Variants in RGS6 observed in about 807,000 individuals in gnomAD.
RGS6 encodes regulator of G protein signaling 6, also known as regulator of G-protein signaling 6.
In RGS6, 30 loss-of-function variants were observed where a neutral mutation model predicts 78.5. The ratio of observed to expected loss-of-function variants is 0.38; its 90% confidence interval spans 0.29 to 0.52. The LOEUF (loss-of-function observed/expected upper bound fraction) is 0.52, where lower values mean the gene tolerates loss of function less well. RGS6 is among the 20% of genes least tolerant of loss of function. The pLI is 0.85. For missense variants in RGS6, 495 were observed against 609.7 expected (o/e 0.81, Z 1.98); for synonymous variants, 206 against 206.0 (o/e 1.00, Z 0.00).
the RGS6 span, among the ~76,000 whole-genome samples, chr14:72,628,437 G>C: frequency 6.6e-6 from 1 of 152,036 alleles, no homozygotes; most frequent in African/African-American, 2.4e-5. Context: ...GATTGGGCAA[G>C]TTTATCTTCC....
intron 2 of RGS6, among the ~76,000 whole-genome samples, chr14:71,988,695 A>C (rs2094826865): frequency 6.6e-6 from 1 of 152,172 alleles, no homozygotes; most frequent in African/African-American, 2.4e-5. Flanking sequence ...GATTTGAAAG[A>C]GACTGAAAAA....
intron 3 of RGS6, among the ~76,000 whole-genome samples, chr14:72,389,490 T>C (rs1383014734): frequency 6.6e-6 from 1 of 152,132 alleles, no homozygotes; most frequent in African/African-American, 2.4e-5. Context: ...TCTGAGTTAA[T>C]TTATCAAAAT....
At chr14:71,896,306 A>G in the RGS6 span, among the ~76,000 whole-genome samples, 4 of 152,104 alleles carry the variant, frequency 2.6e-5, no homozygotes, top group Admixed American at 6.5e-5. Flanking sequence ...TTTTATGGTT[A>G]TTTCTTGATT....
At chr14:72,324,361 ATTCT>A (rs1361412706) in intron 2 of RGS6, among the ~76,000 whole-genome samples, 1 of 152,016 alleles carries the variant, frequency 6.6e-6, no homozygotes, top group African/African-American at 2.4e-5. Flanking sequence ...ACAAAGGACT[ATTCT>A]TTTTTTTTTA....
intron 3 of RGS6, among the ~76,000 whole-genome samples, chr14:72,439,402 A>T (rs562434877): frequency 1.3e-5 from 2 of 152,366 alleles, no homozygotes; most frequent in East Asian, 3.9e-4. Context: ...GCTCAGGTGT[A>T]TTGTAAGGGT....
intron 17 of RGS6, among the ~76,000 whole-genome samples, chr14:72,549,639 A>G (rs1347038324): frequency 1.3e-5 from 2 of 152,202 alleles, no homozygotes; most frequent in African/African-American, 4.8e-5. Flanking sequence ...AGACAGGCAG[A>G]TCACCTGAGG....
the RGS6 span, among the ~76,000 whole-genome samples, chr14:72,604,866 T>C: frequency 6.6e-6 from 1 of 152,084 alleles, no homozygotes; most frequent in South Asian, 2.1e-4. Context: ...GTTTGGCAAA[T>C]AGTCAGTCCC....
At chr14:72,380,194 C>G (rs1396572287) in intron 3 of RGS6, among the ~76,000 whole-genome samples, 2 of 151,944 alleles carry the variant, frequency 1.3e-5, no homozygotes, top group Non-Finnish European at 2.9e-5. Context: ...GACCTAAATG[C>G]AAAATCTGAA....
In RGS6 at chr14:72,562,514, C is replaced by G. The variant is rs112394310; in HGVS notation, c.*47C>G. 62 of 1,606,348 alleles carry G rather than the reference C, an allele frequency of 3.9e-5. No homozygotes were observed. The African/African-American group carries it at 5.7e-4, about 15-fold the overall frequency. On this transcript the variant is annotated 3_prime_UTR_variant, in exon 18 of 18. Transcript: ENST00000553525. The stretch of plus-strand genomic sequence containing the variant: ...GGCCTGGGCCCGCGGACCCCACAGG[C>G]AGGCGGCGGCGCTCCACATCTGCGG...
chr14:72,415,963 C>T (rs1044675151), intron 3 of RGS6, among the ~76,000 whole-genome samples: 14 of 152,136 alleles, frequency 9.2e-5, no homozygotes, highest in African/African-American at 1.7e-4. Context: ...GCCTGACCAA[C>T]GTGGTGAAAC....
intron 2 of RGS6, among the ~76,000 whole-genome samples, chr14:72,259,564 A>C (rs1348199147): frequency 6.6e-6 from 1 of 152,192 alleles, no homozygotes; most frequent in Middle Eastern, 3.2e-3. Context: ...GTAGAATTAG[A>C]ATATTGAAGT....
intron 2 of RGS6, among the ~76,000 whole-genome samples, chr14:72,140,670 G>A (rs1414106113): frequency 6.6e-6 from 1 of 152,234 alleles, no homozygotes; most frequent in East Asian, 1.9e-4. Flanking sequence ...CTGAGTAAAA[G>A]CGCCCTTGGT....
chr14:71,901,031 G>A, the RGS6 span, among the ~76,000 whole-genome samples: 1 of 152,082 alleles, frequency 6.6e-6, no homozygotes, highest in African/African-American at 2.4e-5. Context: ...TGAGGGATCC[G>A]CCCCCATGAT....
chr14:72,445,299 C>T (rs1339510743), intron 3 of RGS6, among the ~76,000 whole-genome samples: 2 of 152,216 alleles, frequency 1.3e-5, no homozygotes, highest in East Asian at 1.9e-4. Context: ...AAGCACTTCT[C>T]CTGCCTTAGT....
At chr14:72,291,709 A>G (rs550276531) in intron 2 of RGS6, among the ~76,000 whole-genome samples, 1 of 152,218 alleles carries the variant, frequency 6.6e-6, no homozygotes, top group African/African-American at 2.4e-5. Context: ...AAGCCTGGCT[A>G]AAATCATGCT....
At chr14:71,948,296 G>T (rs901127832) in intron 1 of RGS6, among the ~76,000 whole-genome samples, 23 of 152,288 alleles carry the variant, frequency 1.5e-4, no homozygotes, top group Non-Finnish European at 4.4e-5. Context: ...ACATGTCTAC[G>T]ATGGTTCGAT....
At chr14:72,067,364 C>A (rs898496720) in intron 2 of RGS6, among the ~76,000 whole-genome samples, 24 of 152,018 alleles carry the variant, frequency 1.6e-4, no homozygotes. Context: ...CTAATGCATG[C>A]GGGGCTTAAA....
At chr14:72,438,921 G>A (rs138750218) in intron 3 of RGS6, among the ~76,000 whole-genome samples, 5 of 152,336 alleles carry the variant, frequency 3.3e-5, no homozygotes, top group African/African-American at 9.6e-5. Flanking sequence ...CCAGGCGTAC[G>A]AGCCTGCCTC....
chr14:71,874,825 C>T, the RGS6 span, among the ~76,000 whole-genome samples: 2 of 152,116 alleles, frequency 1.3e-5, no homozygotes, highest in Non-Finnish European at 2.9e-5. Flanking sequence ...CCATCAATAC[C>T]TAATTTATTG....
Sources: allele counts gnomAD v4.1 joint callset (sites outside exome capture counted in the v4.1 genomes callset), GRCh38; gene constraint gnomAD v4.1.1; transcripts MANE v1.5; gene names NCBI Gene and HGNC (gene_info 2026-07-23, HGNC 2026-07-21).